Variants in NKAIN2 observed in about 807,000 individuals in gnomAD.
NKAIN2 encodes the protein sodium/potassium-transporting ATPase subunit beta-1-interacting protein 2.
Under a neutral mutation model 32.6 loss-of-function variants are expected in NKAIN2, and 14 were observed. That is an observed-to-expected ratio of 0.43 (90% CI 0.28 to 0.67). The LOEUF is 0.67. Ranked by LOEUF, NKAIN2 falls within the 30% of genes least tolerant of loss-of-function variation. NKAIN2 has a pLI of 0.17. For synonymous variants in NKAIN2, 80 were observed against 87.2 expected (o/e 0.92, Z 0.46); for missense variants, 198 against 258.3 (o/e 0.77, Z 1.60).
At chr6:124,018,236 G>A (rs1249248347) in intron 1 of NKAIN2, among the ~76,000 whole-genome samples, 1 of 152,150 alleles carries the variant, frequency 6.6e-6, no homozygotes, top group Non-Finnish European at 1.5e-5. Flanking sequence ...AAGTCCCTAG[G>A]CTGCACAAAG....
chr6:123,858,718 T>C (rs1471408193), intron 1 of NKAIN2, among the ~76,000 whole-genome samples: 1 of 152,122 alleles, frequency 6.6e-6, no homozygotes, highest in Non-Finnish European at 1.5e-5. Flanking sequence ...ATCAGAGTCA[T>C]ATTGAGTGGG....
chr6:124,513,532 T>C (rs1307814492), intron 3 of NKAIN2, among the ~76,000 whole-genome samples: 2 of 152,146 alleles, frequency 1.3e-5, no homozygotes, highest in African/African-American at 4.8e-5. Flanking sequence ...GTAATGGTCT[T>C]GTCCAAGACC....
intron 1 of NKAIN2, among the ~76,000 whole-genome samples, chr6:124,044,302 A>G (rs1030962471): frequency 6.6e-6 from 1 of 152,026 alleles, no homozygotes; most frequent in Non-Finnish European, 1.5e-5. Flanking sequence ...AGCCTTCTGC[A>G]AAGACGGGAG....
chr6:124,220,126 G>T (rs1265424048), intron 1 of NKAIN2, among the ~76,000 whole-genome samples: 1 of 152,110 alleles, frequency 6.6e-6, no homozygotes, highest in Non-Finnish European at 1.5e-5. Flanking sequence ...TAGATCATGG[G>T]GGTGGCTTTC....
At chr6:124,209,906 A>G (rs988945985) in intron 1 of NKAIN2, among the ~76,000 whole-genome samples, 1 of 151,618 alleles carries the variant, frequency 6.6e-6, no homozygotes, top group Non-Finnish European at 1.5e-5. Flanking sequence ...GGGTTGTCTT[A>G]TCACTTTTTT....
intron 1 of NKAIN2, among the ~76,000 whole-genome samples, chr6:124,026,962 G>T (rs1323921999): frequency 6.6e-6 from 1 of 152,056 alleles, no homozygotes; most frequent in Admixed American, 6.6e-5. Context: ...TATGGAGCTT[G>T]TAGCCACTGT....
At chr6:124,678,749 T>C (rs1409351866) in intron 4 of NKAIN2, among the ~76,000 whole-genome samples, 3 of 152,200 alleles carry the variant, frequency 2.0e-5, no homozygotes, top group African/African-American at 7.2e-5. Context: ...CATGTTTCCC[T>C]GTTTCTTCAT....
At chr6:124,103,381 A>G (rs1224009637) in intron 1 of NKAIN2, among the ~76,000 whole-genome samples, 3 of 152,212 alleles carry the variant, frequency 2.0e-5, no homozygotes, top group African/African-American at 7.2e-5. Context: ...AACCAATGAA[A>G]AAGTGAACTA....
At chr6:124,332,443 T>C (rs771720367) in intron 2 of NKAIN2, among the ~76,000 whole-genome samples, 2 of 152,182 alleles carry the variant, frequency 1.3e-5, no homozygotes, top group Non-Finnish European at 2.9e-5. Flanking sequence ...TGTACATTTT[T>C]GGCATTATTT....
At chr6:123,873,163 T>C (rs1772985046) in intron 1 of NKAIN2, among the ~76,000 whole-genome samples, 1 of 152,076 alleles carries the variant, frequency 6.6e-6, no homozygotes. Flanking sequence ...TGAAGTATTA[T>C]AGAGTATGTT....
chr6:124,577,961 A>G (rs923061033), intron 3 of NKAIN2, among the ~76,000 whole-genome samples: 4 of 152,202 alleles, frequency 2.6e-5, no homozygotes, highest in African/African-American at 4.8e-5. Flanking sequence ...GTACTAGGCC[A>G]GAAGGGAACC....
intron 1 of NKAIN2, among the ~76,000 whole-genome samples, chr6:124,025,393 A>G (rs117807844): frequency 8.6e-4 from 131 of 152,244 alleles, no homozygotes; most frequent in African/African-American, 2.4e-3. Context: ...TGATATCACA[A>G]CAGCACGAAG....
At chr6:124,631,789 A>G (rs1294572542) in intron 3 of NKAIN2, among the ~76,000 whole-genome samples, 2 of 152,168 alleles carry the variant, frequency 1.3e-5, no homozygotes, top group South Asian at 2.1e-4. Context: ...ACAGTCCAAC[A>G]TAAATGCTCT....
intron 1 of NKAIN2, among the ~76,000 whole-genome samples, chr6:123,836,642 C>G (rs201077315): frequency 1.4e-5 from 2 of 146,762 alleles, no homozygotes; most frequent in Non-Finnish European, 3.0e-5. Flanking sequence ...CATCCTGGAC[C>G]AAAAAAAAAA....
At chr6:124,269,955 A>G (rs1251009367) in intron 1 of NKAIN2, among the ~76,000 whole-genome samples, 6 of 152,290 alleles carry the variant, frequency 3.9e-5, no homozygotes, top group Middle Eastern at 3.4e-3. Flanking sequence ...CTAGAGTTTG[A>G]GAGGTTTGAT....
At chr6:124,432,505 G>A (rs1400086522) in intron 3 of NKAIN2, among the ~76,000 whole-genome samples, 2 of 152,046 alleles carry the variant, frequency 1.3e-5, no homozygotes, top group East Asian at 3.9e-4. Context: ...CTTCTCAGGA[G>A]GCTGAGGAGG....
chr6:123,965,889 T>C (rs1778053496), intron 1 of NKAIN2, among the ~76,000 whole-genome samples: 1 of 152,172 alleles, frequency 6.6e-6, no homozygotes, highest in South Asian at 2.1e-4. Context: ...GTCTAATTAA[T>C]TAGAGGGACT....
At chr6:124,647,355 T>C (rs1169213409) in intron 3 of NKAIN2, among the ~76,000 whole-genome samples, 1 of 151,832 alleles carries the variant, frequency 6.6e-6, no homozygotes, top group Non-Finnish European at 1.5e-5. Context: ...AAGACCAGAC[T>C]GGCCAACATA....
chr6:124,091,053 A>G (rs1022224298), intron 1 of NKAIN2, among the ~76,000 whole-genome samples: 2 of 152,042 alleles, frequency 1.3e-5, no homozygotes, highest in African/African-American at 2.4e-5. Flanking sequence ...TGAATTGGAC[A>G]TTAGTATAGC....
Sources: gnomAD v4.1 joint callset for allele counts (sites outside exome capture counted in the v4.1 genomes callset) on GRCh38, gnomAD v4.1.1 for gene constraint, MANE v1.5 for transcripts, NCBI Gene and HGNC (gene_info 2026-07-23, HGNC 2026-07-21) for gene names.